GXYLT2: variants seen among roughly 807,000 people sequenced by gnomAD.
GXYLT2 encodes the protein glycosyltransferase 8 domain containing 4.
In GXYLT2, 53 loss-of-function variants were observed where a neutral mutation model predicts 45.8. The observed-to-expected ratio is 1.16, with a 90% CI of 0.93 to 1.46. The LOEUF (loss-of-function observed/expected upper bound fraction) is 1.46. Ranked by LOEUF, GXYLT2 falls within the 40% of genes most tolerant of loss-of-function variation. The pLI is 0.00. For missense variants in GXYLT2, 551 were observed against 544.4 expected (o/e 1.01, Z -0.12); for synonymous variants, 219 against 214.2 (o/e 1.02, Z -0.19).
chr3:72,942,901 T>G (rs1502760), intron 3 of GXYLT2, among the ~76,000 whole-genome samples: 104,836 of 152,018 alleles, frequency 0.69, 36,542 homozygotes, highest in East Asian at 0.85. Flanking sequence ...CTTTAGTTTA[T>G]TTAGTAGTAT....
At chr3:72,973,363 A>G (rs533060648) in intron 6 of GXYLT2, among the ~76,000 whole-genome samples, 6 of 151,502 alleles carry the variant, frequency 4.0e-5, no homozygotes, top group Non-Finnish European at 8.8e-5. Flanking sequence ...AAAGACAGGA[A>G]TGGCCAGATA....
At chr3:72,930,216 C>CCT (rs1184463673) in intron 3 of GXYLT2, among the ~76,000 whole-genome samples, 1 of 151,388 alleles carries the variant, frequency 6.6e-6, no homozygotes, top group Non-Finnish European at 1.5e-5. Flanking sequence ...ATAAAGAATA[C>CCT]AGTCGAACTG....
rs117988659 is a variant in GXYLT2 at position 72,923,971 on chromosome 3, G to C, written c.600+1636G>C. Among the ~76,000 whole-genome samples the C allele has an allele frequency of 2.0e-5, 3 of 152,196 alleles. No homozygotes were observed. In the East Asian group the frequency reaches 5.8e-4, roughly 29 times the overall value. ...GCAGACATGAATGAAGGAGAAGTAA[G>C]GGTTACTAGGTGACAAGGGCCTTGG... is the stretch of plus-strand genomic sequence containing the variant. On this transcript the variant is annotated intron_variant, in intron 3 of 6. Transcript: ENST00000389617.
intron 3 of GXYLT2, among the ~76,000 whole-genome samples, chr3:72,953,957 G>C (rs1710575946): frequency 6.6e-6 from 1 of 152,052 alleles, no homozygotes; most frequent in Non-Finnish European, 1.5e-5. Context: ...CAGGCATGGT[G>C]GTGTGTAGCT....
chr3:72,961,875 T>C (rs1453762092), intron 5 of GXYLT2, among the ~76,000 whole-genome samples: 1 of 152,064 alleles, frequency 6.6e-6, no homozygotes, highest in Non-Finnish European at 1.5e-5. Flanking sequence ...ACCAGCCAAG[T>C]ATAAGTGATA....
chr3:72,934,050 C>A (rs919187779), intron 3 of GXYLT2, among the ~76,000 whole-genome samples: 2 of 150,242 alleles, frequency 1.3e-5, no homozygotes, highest in African/African-American at 4.9e-5. Flanking sequence ...TAAAACTATA[C>A]AAAAATTGAT....
At chr3:72,895,123 A>T (rs1049104827) in intron 1 of GXYLT2, among the ~76,000 whole-genome samples, 40 of 152,232 alleles carry the variant, frequency 2.6e-4, no homozygotes, top group African/African-American at 9.2e-4. Flanking sequence ...TATGCAACTC[A>T]GGGATTGCAA....
intron 2 of GXYLT2, among the ~76,000 whole-genome samples, chr3:72,909,420 C>T (rs1709576078): frequency 6.6e-6 from 1 of 151,860 alleles, no homozygotes; most frequent in African/African-American, 2.4e-5. Flanking sequence ...TACATATAGA[C>T]ATGCATATGT....
rs1433639590 is a variant in GXYLT2 at position 72,975,545 on chromosome 3, A to AC, written c.*389dup. 1 of 162,988 alleles carries AC rather than the reference A, an allele frequency of 6.1e-6. No homozygotes were observed. The highest frequency in any genetic ancestry group is 1.3e-5 in the Non-Finnish European group (1 of 75,748). The allele number at this position is 162,988 out of a possible 1,614,324, so 10.1% of individuals were successfully genotyped here. A position where few individuals can be genotyped will look rare whatever the true frequency, so the allele number is the denominator to read the frequency against. On this transcript the variant is annotated 3_prime_UTR_variant, in exon 7 of 7. Coordinates refer to ENST00000389617, the MANE Select transcript of GXYLT2 (RefSeq NM_001080393.2). ...CTTTCTATGCAACTGACTCCCCCAC[A>AC]CCCGTGTTATAAAAGTAATACACAC...
intron 5 of GXYLT2, among the ~76,000 whole-genome samples, chr3:72,966,458 CTT>C (rs10662974): frequency 4.9e-5 from 5 of 101,612 alleles, no homozygotes; most frequent in African/African-American, 8.0e-5. Context: ...TTGTGTGTAT[CTT>C]TTTTTTTTTT....
intron 3 of GXYLT2, among the ~76,000 whole-genome samples, chr3:72,949,384 G>C (rs1330443463): frequency 4.6e-5 from 7 of 151,658 alleles, no homozygotes; most frequent in Non-Finnish European, 5.9e-5. Flanking sequence ...CTGGCTTAAG[G>C]GCTCTGCTTT....
At chr3:72,967,819 G>A in intron 6 of GXYLT2, 100 bp downstream of exon 6, 1 of 995,612 alleles carries the variant, frequency 1.0e-6, no homozygotes, top group Non-Finnish European at 1.5e-6. Flanking sequence ...TATTCCCAAA[G>A]CATAGAGTTA....
At chr3:72,913,901 G>C (rs1330733138) in intron 2 of GXYLT2, among the ~76,000 whole-genome samples, 4 of 152,064 alleles carry the variant, frequency 2.6e-5, no homozygotes, top group Non-Finnish European at 5.9e-5. Flanking sequence ...GGCCAAATCA[G>C]ATAAAGAATT....
chr3:72,912,116 T>G (rs56050872), intron 2 of GXYLT2, among the ~76,000 whole-genome samples: 46,007 of 150,332 alleles, frequency 0.31, 8,854 homozygotes, highest in Non-Finnish European at 0.43. Context: ...ATTCAAGAAG[T>G]TCTCATGCCT....
rs771569626 is a variant in GXYLT2 at position 72,961,659 on chromosome 3, CA to C, written c.976+4323del. On this transcript the variant is annotated intron_variant, in intron 5 of 6. Coordinates refer to ENST00000389617, the MANE Select transcript of GXYLT2 (RefSeq NM_001080393.2). ...TCTGTTTCCTAATTTGAATTCTTAG[CA>C]AAAAAAAAAAAAAAAGAGAGAGAGA... Among the ~76,000 whole-genome samples, 508 of 94,804 alleles carry C rather than the reference CA, an allele frequency of 5.4e-3. 4 individuals are homozygous for C. Among genetic ancestry groups the C allele is most frequent in the African/African-American group, 0.017 (433 of 25,404 alleles). 62.2% of individuals were successfully genotyped at this position (94,804 alleles called of 152,430 possible).
At chr3:72,890,667 C>A (rs1299505060) in intron 1 of GXYLT2, among the ~76,000 whole-genome samples, 1 of 152,132 alleles carries the variant, frequency 6.6e-6, no homozygotes, top group Admixed American at 6.5e-5. Flanking sequence ...TTCAAGGTGT[C>A]GAGAACAGTG....
Position 72,888,048 on chromosome 3 carries a change from C to G in GXYLT2, c.-186C>G. ...CCAGCTCTCACCGCCTCCCCCTCCTCTCCTCTCTCTCCTCCTCCTTCGCCG... is the reference window on the plus strand; with the variant it reads ...CCAGCTCTCACCGCCTCCCCCTCCTGTCCTCTCTCTCCTCCTCCTTCGCCG... On this transcript the variant is annotated 5_prime_UTR_variant, in exon 1 of 7. Coordinates refer to ENST00000389617, the MANE Select transcript of GXYLT2 (RefSeq NM_001080393.2). 1 of 180,836 alleles carries G rather than the reference C, an allele frequency of 5.5e-6. No individual in the cohort carries two copies. The highest frequency in any genetic ancestry group is 1.1e-5 in the Non-Finnish European group (1 of 94,848). The allele number at this position is 180,836 out of a possible 1,614,324, so 11.2% of individuals were successfully genotyped here. A position where few individuals can be genotyped will look rare whatever the true frequency, so the allele number is the denominator to read the frequency against.
intron 2 of GXYLT2, among the ~76,000 whole-genome samples, chr3:72,915,247 A>AT (rs1709712522): frequency 6.6e-6 from 1 of 150,746 alleles, no homozygotes. Flanking sequence ...TTTTTCCTTT[A>AT]AAGAAAGAAA....
chr3:72,889,900 T>G (rs560847482), intron 1 of GXYLT2, among the ~76,000 whole-genome samples: 3 of 137,460 alleles, frequency 2.2e-5, no homozygotes, highest in Non-Finnish European at 4.7e-5. Flanking sequence ...CTTTTGGTTT[T>G]TTTTTTGTTT....
Sources: gnomAD v4.1 joint callset for allele counts (sites outside exome capture counted in the v4.1 genomes callset) on GRCh38, gnomAD v4.1.1 for gene constraint, MANE v1.5 for transcripts, NCBI Gene and HGNC (gene_info 2026-07-23, HGNC 2026-07-21) for gene names.